Variants in AKAP14 observed in about 807,000 individuals in gnomAD.
AKAP14 encodes the protein A-kinase anchor protein 14.
AKAP14 carries 4 observed loss-of-function variants against 17.0 expected under a neutral mutation model. The observed-to-expected ratio is 0.23, with a 90% CI of 0.12 to 0.54. The LOEUF is 0.54. Ranked by LOEUF, AKAP14 falls within the 20% of genes least tolerant of loss-of-function variation. AKAP14 has a pLI of 0.95. For missense variants in AKAP14, 129 were observed against 150.9 expected, an observed-to-expected ratio of 0.85 and a Z score of 0.76; for synonymous variants, 42 against 51.3, an observed-to-expected ratio of 0.82 and a Z score of 0.77.
chrX:119,914,868 C>T lies in AKAP14; in HGVS notation c.431C>T (p.Thr144Ile), dbSNP rs762293538. The change falls in exon 5 of 7, where the codon ACC (threonine) becomes ATC (isoleucine). Residue 144 changes from threonine to isoleucine, a missense_variant. Coordinates refer to ENST00000371431, the MANE Select transcript of AKAP14 (RefSeq NM_178813.6). ...TACTTCACCATGAAGGTCTCCAAAA[C>T]CAAACCACCGGTAAGTTCTTCTTTT... is the stretch of plus-strand genomic sequence containing the variant. ...GTYFTMKVSK[T>I]KPPDAPIVVS... The T allele has an allele frequency of 2.5e-6, 3 of 1,206,724 alleles. No individual in the cohort carries two copies. The highest frequency in any genetic ancestry group is 3.4e-6 in the Non-Finnish European group (3 of 892,449).
intron 2 of AKAP14, among the ~76,000 whole-genome samples, chrX:119,900,264 T>G (rs1351565251): frequency 4.5e-5 from 5 of 112,156 alleles, no homozygotes; most frequent in Non-Finnish European, 9.4e-5. Context: ...GGCTAATTTT[T>G]GTATTTTTAG....
intron 2 of AKAP14, among the ~76,000 whole-genome samples, 185 bp downstream of exon 2, chrX:119,896,452 G>A (rs1279121512): frequency 1.1e-5 from 1 of 92,806 alleles, no homozygotes; most frequent in Non-Finnish European, 2.1e-5. Flanking sequence ...AAGGGAGAGG[G>A]AGGGGGAGGG....
chrX:119,909,879 C>T (rs1335797398), intron 4 of AKAP14, among the ~76,000 whole-genome samples: 25 of 92,970 alleles, frequency 2.7e-4, no homozygotes, highest in Admixed American at 6.3e-4. Flanking sequence ...AGAGGGACTC[C>T]GTCTCAAAAA....
chrX:119,914,926 G>T, intron 5 of AKAP14, 48 bp downstream of exon 5: 1 of 1,114,771 alleles, frequency 9.0e-7, no homozygotes, highest in South Asian at 2.0e-5. Context: ...TGAGAATGGA[G>T]ACTTCTCTTG....
intron 4 of AKAP14, among the ~76,000 whole-genome samples, chrX:119,907,877 A>C (rs974928436): frequency 3.6e-5 from 4 of 112,198 alleles, no homozygotes; most frequent in African/African-American, 1.3e-4. Context: ...CTGACCCAGG[A>C]AAAGTACTTT....
intron 4 of AKAP14, among the ~76,000 whole-genome samples, chrX:119,908,814 C>G (rs2056612146): frequency 8.9e-6 from 1 of 111,840 alleles, no homozygotes; most frequent in African/African-American, 3.2e-5. Context: ...GCTGCCTGCA[C>G]ACGGATAAAA....
chrX:119,898,462 C>T (rs1297164812), intron 2 of AKAP14, among the ~76,000 whole-genome samples: 1 of 111,936 alleles, frequency 8.9e-6, no homozygotes, highest in Non-Finnish European at 1.9e-5. Context: ...TCTACTACCC[C>T]CTGGGATCAA....
intron 4 of AKAP14, among the ~76,000 whole-genome samples, chrX:119,906,990 A>G (rs2056601693): frequency 8.9e-6 from 1 of 112,357 alleles, no homozygotes; most frequent in East Asian, 2.8e-4. Context: ...ATCATCATGC[A>G]TTATCTCGTT....
In AKAP14 at chrX:119,903,280, C is replaced by T. The variant is rs779499297; in HGVS notation, c.57C>T (p.Ala19=). ...AAGCAATGGATGAGGATAACAAAGC[C>T]GCAAGCCAAACAATGCCGAATACAC... ...SQKAMDEDNK[A]ASQTMPNTQD... is the part of the protein sequence containing the mutation. The change falls in exon 3 of 7, where the codon GCC becomes GCT. Residue 19 remains alanine (A), a synonymous_variant. Coordinates refer to ENST00000371431, the MANE Select transcript of AKAP14 (RefSeq NM_178813.6). 7.4e-6 allele frequency: 9 copies of T among 1,210,022 alleles called. No homozygotes were observed. Among genetic ancestry groups the T allele is most frequent in the South Asian group, 1.8e-5 (1 of 56,854 alleles).
intron 2 of AKAP14, among the ~76,000 whole-genome samples, chrX:119,901,648 G>A (rs1296995323): frequency 9.2e-6 from 1 of 109,076 alleles, no homozygotes; most frequent in Non-Finnish European, 1.9e-5. Flanking sequence ...GGAGGTTGCA[G>A]TGAGCCAAGA....
chrX:119,918,696 T>G (rs1034285225), intron 5 of AKAP14, among the ~76,000 whole-genome samples: 1 of 112,230 alleles, frequency 8.9e-6, no homozygotes, highest in Non-Finnish European at 1.9e-5. Flanking sequence ...GAATAAGAAA[T>G]ATGTTAACTT....
At chrX:119,907,813 C>T (rs1006456479) in intron 4 of AKAP14, among the ~76,000 whole-genome samples, 3 of 111,694 alleles carry the variant, frequency 2.7e-5, no homozygotes, top group South Asian at 3.7e-4. Context: ...ATTCTTTCCA[C>T]CACAGTAGGA....
intron 4 of AKAP14, among the ~76,000 whole-genome samples, chrX:119,911,638 T>A (rs1307139794): frequency 9.0e-6 from 1 of 110,872 alleles, no homozygotes; most frequent in Non-Finnish European, 1.9e-5. Context: ...GGTGTAAACA[T>A]GGGGAATAGT....
intron 2 of AKAP14, among the ~76,000 whole-genome samples, chrX:119,899,929 C>T (rs770645609): frequency 6.3e-5 from 7 of 111,605 alleles, no homozygotes; most frequent in South Asian, 3.7e-4. Flanking sequence ...TTGCTTGCAA[C>T]ATACTTATTT....
In AKAP14 at chrX:119,911,822, C is replaced by T. The variant is rs902333297; in HGVS notation, c.262-2877C>T. Among the ~76,000 whole-genome samples, 6 of 110,476 alleles carry T rather than the reference C, an allele frequency of 5.4e-5. No homozygotes were observed. The East Asian group carries it at 1.4e-3, about 26-fold the overall frequency. ...CAAACGATCCTCCTGCCTCAGCCTCCCAAAGTGCTGGGATTACACCACGCC... is the reference window on the plus strand; with the variant it reads ...CAAACGATCCTCCTGCCTCAGCCTCTCAAAGTGCTGGGATTACACCACGCC... On this transcript the variant is annotated intron_variant, in intron 4 of 6. Transcript: ENST00000371431.
intron 4 of AKAP14, among the ~76,000 whole-genome samples, chrX:119,905,202 C>A (rs1211484330): frequency 8.9e-6 from 1 of 112,353 alleles, no homozygotes; most frequent in African/African-American, 3.2e-5. Context: ...GCCCTCAGGG[C>A]AGTTTCCCAG....
At chrX:119,900,096 C>CT (rs760651370) in intron 2 of AKAP14, among the ~76,000 whole-genome samples, 72 of 101,281 alleles carry the variant, frequency 7.1e-4, no homozygotes, top group Admixed American at 1.1e-3. Context: ...GCCAGTCCAA[C>CT]TTTTTTTTTT....
intron 5 of AKAP14, 26 bp from the exon 6 acceptor site, chrX:119,919,885 C>A (rs2056679225): frequency 8.3e-7 from 1 of 1,204,848 alleles, no homozygotes; most frequent in Non-Finnish European, 1.1e-6. Context: ...CTGGTCTGGG[C>A]TAACAGTTGT....
chrX:119,903,276 A>G lies in AKAP14; in HGVS notation c.53A>G (p.Lys18Arg). The G allele has an allele frequency of 1.7e-6, 2 of 1,210,503 alleles. No homozygotes were observed. The highest frequency in any genetic ancestry group is 3.0e-5 in the East Asian group (1 of 33,791). Reference protein sequence around the residue: ...TSQKAMDEDNKAASQTMPNTQ... With the variant: ...TSQKAMDEDNRAASQTMPNTQ... ...CAGAAAGCAATGGATGAGGATAACA[A>G]AGCCGCAAGCCAAACAATGCCGAAT... The change falls in exon 3 of 7, where the codon AAA becomes AGA. Residue 18 changes from lysine (K) to arginine (R), a missense_variant. Lys to Arg is a conservative substitution (Grantham distance 26). Transcript: ENST00000371431.
Sources: allele counts gnomAD v4.1 joint callset (sites outside exome capture counted in the v4.1 genomes callset), GRCh38; gene constraint gnomAD v4.1.1; transcripts MANE v1.5; gene names NCBI Gene and HGNC (gene_info 2026-07-23, HGNC 2026-07-21).